The following PRKAG2 variants were observed in gnomAD, a reference collection of about 807,000 sequenced individuals.
The protein encoded by PRKAG2 is 5'-AMP-activated protein kinase subunit gamma-2.
In PRKAG2, 26 loss-of-function variants were observed where a neutral mutation model predicts 69.6. The observed-to-expected ratio is 0.37, with a 90% CI of 0.27 to 0.52. The LOEUF (loss-of-function observed/expected upper bound fraction) is 0.52, where lower values mean the gene tolerates loss of function less well. Among genes scored for constraint, PRKAG2 ranks in the 20% least tolerant of loss-of-function variants. The pLI, the probability that PRKAG2 is intolerant of heterozygous loss-of-function variation, is 0.90. For synonymous variants in PRKAG2, 293 were observed against 285.0 expected (o/e 1.03, Z -0.28); for missense variants, 557 against 740.0 (o/e 0.75, Z 2.87).
At chr7:151,651,317 C>T (rs759256602) in intron 4 of PRKAG2, among the ~76,000 whole-genome samples, 2 of 152,114 alleles carry the variant, frequency 1.3e-5, no homozygotes, top group Admixed American at 6.6e-5. Context: ...ATTCGAAATA[C>T]AAGATAGGGC....
rs150407546 is a variant in PRKAG2, at chr7:151,678,684, T to C, written c.467-3047A>G. The stretch of plus-strand genomic sequence containing the variant: ...AAACTCTTGAAAAATAGAGGCCAGG[T>C]GCAGTGGCTCATGCCTATAATCTCA... On this transcript the variant is annotated intron_variant, in intron 3 of 15. Transcript: ENST00000287878. Among the ~76,000 whole-genome samples the C allele has an allele frequency of 4.7e-3, 721 of 152,284 alleles. 6 individuals carry two copies. The highest frequency in any genetic ancestry group is 0.016 in the African/African-American group (665 of 41,556).
In PRKAG2 at chr7:151,701,829, C is replaced by T. The variant is rs1284146167; in HGVS notation, c.467-26192G>A. Among the ~76,000 whole-genome samples, 12 of 138,944 alleles carry T rather than the reference C, an allele frequency of 8.6e-5. No individual in the cohort carries two copies. In the South Asian group the frequency reaches 1.1e-3, roughly 13 times the overall value. The allele number at this position is 138,944 out of a possible 152,430, so 91.2% of individuals were successfully genotyped here. ...CTGCACTCCAGCCTGGGCGACAGAGCGAGACTCTGTCTCAAAAAAAAAAAA... is the reference window on the plus strand; with the variant it reads ...CTGCACTCCAGCCTGGGCGACAGAGTGAGACTCTGTCTCAAAAAAAAAAAA... On this transcript the variant is annotated intron_variant, in intron 3 of 15. Coordinates refer to ENST00000287878, the MANE Select transcript of PRKAG2 (RefSeq NM_016203.4).
At chr7:151,741,660 G>C (rs1487491216) in intron 3 of PRKAG2, among the ~76,000 whole-genome samples, 2 of 130,314 alleles carry the variant, frequency 1.5e-5, no homozygotes, top group Admixed American at 1.6e-4. Flanking sequence ...GGCAACAAAA[G>C]CAAAACTCTG....
chr7:151,650,083 C>T (rs954825187), intron 4 of PRKAG2, among the ~76,000 whole-genome samples: 1 of 152,024 alleles, frequency 6.6e-6, no homozygotes, highest in South Asian at 2.1e-4. Flanking sequence ...TAGCCGGACA[C>T]GGTGGCACGC....
At chr7:151,715,670 T>A (rs1231079955) in intron 3 of PRKAG2, among the ~76,000 whole-genome samples, 1 of 152,172 alleles carries the variant, frequency 6.6e-6, no homozygotes, top group Non-Finnish European at 1.5e-5. Flanking sequence ...GCAAATTTTT[T>A]AAAAATTCCA....
intron 2 of PRKAG2, among the ~76,000 whole-genome samples, chr7:151,782,371 G>GGAAGGAA (rs2076749386): frequency 4.5e-5 from 1 of 21,986 alleles, no homozygotes. Context: ...GAGGGAGGGA[G>GGAAGGAA]GGAAGGAAAG....
chr7:151,690,264 T>C (rs1835453802), intron 3 of PRKAG2, among the ~76,000 whole-genome samples: 1 of 152,166 alleles, frequency 6.6e-6, no homozygotes, highest in Non-Finnish European at 1.5e-5. Flanking sequence ...TTCCTAATGC[T>C]GCCTGTGTCT....
intron 1 of PRKAG2, among the ~76,000 whole-genome samples, chr7:151,863,099 G>C (rs184907586): frequency 6.6e-6 from 1 of 150,506 alleles, no homozygotes; most frequent in Non-Finnish European, 1.5e-5. Context: ...GTAGGTCCCC[G>C]GGTGCAGGGA....
At chr7:151,725,048 C>T (rs1004861107) in intron 3 of PRKAG2, among the ~76,000 whole-genome samples, 19 of 152,112 alleles carry the variant, frequency 1.2e-4, no homozygotes, top group African/African-American at 4.3e-4. Context: ...CCTGCCCCTT[C>T]ACGGGCCAAC....
chr7:151,792,134 C>T (rs1187328824), intron 1 of PRKAG2, among the ~76,000 whole-genome samples: 1 of 152,188 alleles, frequency 6.6e-6, no homozygotes. Context: ...AAAAAGAGAG[C>T]TTTTCTTCCT....
At chr7:151,698,778 A>C (rs1837153019) in intron 3 of PRKAG2, among the ~76,000 whole-genome samples, 1 of 152,156 alleles carries the variant, frequency 6.6e-6, no homozygotes. Context: ...CAATCTCCCA[A>C]ACCAACTCCC....
intron 14 of PRKAG2, among the ~76,000 whole-genome samples, chr7:151,562,668 C>T (rs1453267891): frequency 6.6e-6 from 1 of 152,052 alleles, no homozygotes; most frequent in African/African-American, 2.4e-5. Context: ...TTATTGGTTA[C>T]ATTCAATAGT....
intron 5 of PRKAG2, among the ~76,000 whole-genome samples, chr7:151,608,827 T>G (rs1818114830): frequency 2.2e-5 from 1 of 46,104 alleles, no homozygotes; most frequent in African/African-American, 5.4e-5. Context: ...TAGACATGGA[T>G]TTTTTTTTTT....
rs182634174 is a variant in PRKAG2, at chr7:151,778,490, A to C, written c.466+2662T>G. On this transcript the variant is annotated intron_variant, in intron 3 of 15. Transcript: ENST00000287878. ...AGGTACTCCTTTATAGCAATGCAAA[A>C]TGGAGCAACACCGCCTCCCATCCTG... Among the ~76,000 whole-genome samples, 69 of 152,240 alleles carry C rather than the reference A, an allele frequency of 4.5e-4. No homozygotes were observed. In the East Asian group the frequency reaches 0.012, roughly 26 times the overall value.
chr7:151,861,915 G>A (rs556058370), intron 1 of PRKAG2, among the ~76,000 whole-genome samples: 1 of 151,632 alleles, frequency 6.6e-6, no homozygotes, highest in Admixed American at 6.6e-5. Context: ...CTCTTCCATT[G>A]GCAAGATAAA....
chr7:151,637,159 A>T (rs547684786), intron 4 of PRKAG2, among the ~76,000 whole-genome samples: 1 of 152,356 alleles, frequency 6.6e-6, no homozygotes, highest in Admixed American at 6.5e-5. Flanking sequence ...TAAAGGGTGC[A>T]CAGGATCTCT....
In PRKAG2 at chr7:151,632,581, C is replaced by G. The variant is rs1162001231; in HGVS notation, c.685-443G>C. ...CCCGGCGCCGCTCACCTTCCCAGCA[C>G]CGGCGGCCGCGCTCGGCAGGCTCCA... On this transcript the variant is annotated intron_variant, in intron 4 of 15. Coordinates refer to ENST00000287878, the MANE Select transcript of PRKAG2 (RefSeq NM_016203.4). This position sits in a 1 kb window ranked among gnomAD's most constrained non-coding sequence, Gnocchi z 4.2. 1.0e-6 allele frequency: 1 copy of G among 983,848 alleles called. No homozygotes were observed. Among genetic ancestry groups the G allele is most frequent in the African/African-American group, 1.7e-5 (1 of 57,162 alleles). The allele number at this position is 983,848 out of a possible 1,614,324, so 60.9% of individuals were successfully genotyped here. A position where few individuals can be genotyped will look rare whatever the true frequency, so the allele number is the denominator to read the frequency against.
chr7:151,597,827 C>CCT (rs1554482739), intron 5 of PRKAG2, among the ~76,000 whole-genome samples: 3 of 149,042 alleles, frequency 2.0e-5, no homozygotes, highest in African/African-American at 4.9e-5. Flanking sequence ...GGAGCCCCCC[C>CCT]CCCCGCTCTT....
intron 2 of PRKAG2, among the ~76,000 whole-genome samples, chr7:151,782,487 T>C (rs1337364985): frequency 6.6e-6 from 1 of 152,140 alleles, no homozygotes; most frequent in Non-Finnish European, 1.5e-5. Context: ...ACTTCACCAA[T>C]GATTTAAAAT....
Sources: gnomAD v4.1 joint callset for allele counts (sites outside exome capture counted in the v4.1 genomes callset) on GRCh38, gnomAD v4.1.1 for gene constraint, Gnocchi (gnomAD v3.1) non-coding constraint, MANE v1.5 for transcripts, NCBI Gene and HGNC (gene_info 2026-07-23, HGNC 2026-07-21) for gene names.